The following TNNI3K variants were observed in gnomAD, a reference collection of about 807,000 sequenced individuals.
TNNI3K encodes TNNI3 interacting kinase.
A neutral mutation model predicts 114.5 loss-of-function variants in TNNI3K; 140 were observed. The observed-to-expected ratio is 1.22, with a 90% CI of 1.07 to 1.41. TNNI3K has a LOEUF of 1.41. Ranked by LOEUF, TNNI3K falls within the 40% of genes most tolerant of loss-of-function variation. TNNI3K has a pLI of 0.00. For synonymous variants in TNNI3K, 347 were observed against 347.5 expected (o/e 1.00, Z 0.02); for missense variants, 1,125 against 1,007.6 (o/e 1.12, Z -1.58).
intron 20 of TNNI3K, among the ~76,000 whole-genome samples, chr1:74,451,917 C>T (rs1667046192): frequency 6.6e-6 from 1 of 151,792 alleles, no homozygotes; most frequent in South Asian, 2.1e-4. Context: ...ATTTGAACTT[C>T]TGAAATTGTT....
intron 21 of TNNI3K, among the ~76,000 whole-genome samples, chr1:74,488,016 G>A (rs1476000535): frequency 2.0e-5 from 3 of 152,184 alleles, no homozygotes; most frequent in Non-Finnish European, 4.4e-5. Flanking sequence ...AAGCTCATTG[G>A]AGAAGAGTAG....
chr1:74,484,632 T>C (rs1668661010), intron 21 of TNNI3K, among the ~76,000 whole-genome samples: 1 of 152,090 alleles, frequency 6.6e-6, no homozygotes, highest in Non-Finnish European at 1.5e-5. Context: ...TAGTGTGTCA[T>C]GGTGGAGAGG....
intron 5 of TNNI3K, among the ~76,000 whole-genome samples, chr1:74,284,916 TA>T (rs954046670): frequency 1.3e-5 from 2 of 152,232 alleles, no homozygotes; most frequent in East Asian, 3.8e-4. Context: ...TGACAATAGT[TA>T]AAGATTTTTT....
At chr1:74,316,951 G>T (rs1659346226) in intron 5 of TNNI3K, among the ~76,000 whole-genome samples, 1 of 151,468 alleles carries the variant, frequency 6.6e-6, no homozygotes, top group Admixed American at 6.6e-5. Context: ...TGCCCACCTC[G>T]GACTCCCAAA....
intron 1 of TNNI3K, 72 bp from the exon 2 acceptor site, chr1:74,236,030 G>C (rs1653835405): frequency 1.1e-5 from 13 of 1,139,660 alleles, no homozygotes; most frequent in African/African-American, 1.6e-5. Context: ...TTGATTACTT[G>C]TATGTTATGA....
chr1:74,335,976 T>G (rs764412802), intron 6 of TNNI3K, 35 bp from the exon 7 acceptor site: 1 of 1,538,502 alleles, frequency 6.5e-7, no homozygotes. Context: ...ATTGTTTGAA[T>G]TTTTATACTG....
chr1:74,305,020 TATA>T (rs749936065), intron 5 of TNNI3K, among the ~76,000 whole-genome samples: 15 of 152,148 alleles, frequency 9.9e-5, no homozygotes, highest in Non-Finnish European at 1.9e-4. Flanking sequence ...AGTTATTAAT[TATA>T]ATAATATGGT....
At chr1:74,374,717 C>G (rs536702235) in intron 17 of TNNI3K, 5 of 151,662 alleles carry the variant, frequency 3.3e-5, no homozygotes, top group Admixed American at 2.0e-4. Flanking sequence ...TTTGTTTGGC[C>G]CATAGTGTTT....
intron 17 of TNNI3K, among the ~76,000 whole-genome samples, chr1:74,407,006 A>C (rs45453599): frequency 3.5e-4 from 54 of 152,334 alleles, no homozygotes; most frequent in African/African-American, 1.3e-3. Flanking sequence ...ATGCATTCCC[A>C]TCCAAGCCTT....
chr1:74,279,077 A>G (rs1237034777), intron 5 of TNNI3K, among the ~76,000 whole-genome samples: 1 of 152,168 alleles, frequency 6.6e-6, no homozygotes, highest in Non-Finnish European at 1.5e-5. Flanking sequence ...TCTTCAACTA[A>G]AACTTCAAGT....
At chr1:74,493,676 T>C (rs1486844135) in intron 23 of TNNI3K, among the ~76,000 whole-genome samples, 3 of 152,204 alleles carry the variant, frequency 2.0e-5, no homozygotes, top group Admixed American at 1.3e-4. Context: ...GAACTACAGA[T>C]TGCGTTCAGG....
chr1:74,488,729 G>A lies in TNNI3K; in HGVS notation c.2122-460G>A, dbSNP rs1448770433. ...ACCCTAAAGTAAGGCATAGTCCTGA[G>A]GTTTCTATCATCATCTTAGTTTTGA... On this transcript the variant is annotated intron_variant, in intron 21 of 24. Coordinates refer to ENST00000326637, the MANE Select transcript of TNNI3K (RefSeq NM_015978.3). 2.0e-5 allele frequency among the ~76,000 whole-genome samples: 3 copies of A among 152,090 alleles called. No individual in the cohort carries two copies. The East Asian group carries it at 5.8e-4, about 29-fold the overall frequency.
intron 20 of TNNI3K, among the ~76,000 whole-genome samples, chr1:74,440,528 T>C (rs999302004): frequency 7.2e-5 from 11 of 152,134 alleles, no homozygotes; most frequent in Admixed American, 7.2e-4. Flanking sequence ...TGAGTACTCA[T>C]GTACAGAGAG....
chr1:74,367,309 T>A lies in TNNI3K; in HGVS notation c.1231T>A (p.Leu411Met), dbSNP rs143366740. 2.5e-6 allele frequency: 4 copies of A among 1,612,152 alleles called. No homozygotes were observed. Among genetic ancestry groups the A allele is most frequent in the Non-Finnish European group, 3.4e-6 (4 of 1,178,780 alleles). Residue 411 changes from leucine to methionine, a missense_variant, in exon 12 of 25, where the codon TTG (leucine) becomes ATG (methionine). Coordinates refer to ENST00000326637, the MANE Select transcript of TNNI3K (RefSeq NM_015978.3). ...LKHYKRPQDE[L>M]PCNEYSQPGG... is the part of the protein sequence containing the mutation. ...GCATTATAAGAGACCACAAGATGAATTGCCCTGTAATGAATATTCTCAGCC... is the reference window on the plus strand; with the variant it reads ...GCATTATAAGAGACCACAAGATGAAATGCCCTGTAATGAATATTCTCAGCC...
intron 17 of TNNI3K, among the ~76,000 whole-genome samples, chr1:74,435,044 G>T (rs1247244121): frequency 6.6e-6 from 1 of 151,820 alleles, no homozygotes; most frequent in Admixed American, 6.6e-5. Context: ...ATATAATATA[G>T]CCCATATGCA....
chr1:74,338,420 C>T (rs1034564245), intron 7 of TNNI3K, among the ~76,000 whole-genome samples: 2 of 150,962 alleles, frequency 1.3e-5, no homozygotes, highest in Non-Finnish European at 3.0e-5. Flanking sequence ...TTCGCTTTTC[C>T]TCACAAACTT....
intron 21 of TNNI3K, chr1:74,469,770 G>T: frequency 1.0e-5 from 4 of 397,212 alleles, no homozygotes; most frequent in Non-Finnish European, 1.8e-5. Context: ...GGACGTTGTT[G>T]TCCTCCAAAA....
At chr1:74,534,449 T>A (rs1646634749) in intron 23 of TNNI3K, among the ~76,000 whole-genome samples, 1 of 152,140 alleles carries the variant, frequency 6.6e-6, no homozygotes, top group Non-Finnish European at 1.5e-5. Context: ...AAACCATGAT[T>A]CATTGCTCCA....
Position 74,315,058 on chromosome 1 carries a change from A to G in TNNI3K, c.445-16392A>G, listed in dbSNP as rs369812911. On this transcript the variant is annotated intron_variant, in intron 5 of 24. Coordinates refer to ENST00000326637, the MANE Select transcript of TNNI3K (RefSeq NM_015978.3). ...TGAAGAACATTACCGGAAAGAAAATACAACCCATTATAACCTCTTTGTTAC... is the reference window on the plus strand; with the variant it reads ...TGAAGAACATTACCGGAAAGAAAATGCAACCCATTATAACCTCTTTGTTAC... Among the ~76,000 whole-genome samples the G allele has an allele frequency of 7.4e-4, 113 of 152,272 alleles. No homozygotes were observed. The East Asian group carries it at 7.5e-3, about 10-fold the overall frequency.
Sources: allele counts gnomAD v4.1 joint callset (sites outside exome capture counted in the v4.1 genomes callset), GRCh38; gene constraint gnomAD v4.1.1; transcripts MANE v1.5; gene names NCBI Gene and HGNC (gene_info 2026-07-23, HGNC 2026-07-21).